The following RANBP2 variants were observed in gnomAD, a reference collection of about 807,000 sequenced individuals.
The protein encoded by RANBP2 is RAN binding protein 2, also known as E3 SUMO-protein ligase RanBP2.
A neutral mutation model predicts 303.6 loss-of-function variants in RANBP2; 57 were observed. The ratio of observed to expected loss-of-function variants is 0.19; its 90% CI spans 0.15 to 0.23. The LOEUF is 0.23. Among genes scored for constraint, RANBP2 ranks in the 10% least tolerant of loss-of-function variants. The pLI, the probability that RANBP2 is intolerant of heterozygous loss-of-function variation, is 1.00. For missense variants in RANBP2, 3,138 were observed against 3,780.8 expected (o/e 0.83, Z 4.46); for synonymous variants, 1,167 against 1,301.5 (o/e 0.90, Z 2.23).
the RANBP2 span, among the ~76,000 whole-genome samples, chr2:108,979,442 C>T: frequency 1.8e-4 from 9 of 49,264 alleles, no homozygotes; most frequent in Middle Eastern, 0.013. Flanking sequence ...CTCTTTCTCT[C>T]TCTCTGTCTC....
the RANBP2 span, among the ~76,000 whole-genome samples, chr2:109,269,454 TC>T: frequency 6.6e-6 from 1 of 152,238 alleles, no homozygotes; most frequent in East Asian, 1.9e-4. Context: ...AGCCCCCCTT[TC>T]TTCTGACTTT....
chr2:109,655,559 G>A, the RANBP2 span, among the ~76,000 whole-genome samples: 4 of 152,180 alleles, frequency 2.6e-5, no homozygotes, highest in Non-Finnish European at 4.4e-5. Context: ...GGCCTCCATC[G>A]AGGGTCAGCA....
chr2:109,008,905 AAAAAAGAAAAG>A, the RANBP2 span, among the ~76,000 whole-genome samples: 1 of 151,532 alleles, frequency 6.6e-6, no homozygotes, highest in African/African-American at 2.4e-5. Flanking sequence ...TCTCAAAAAA[AAAAAAGAAAAG>A]AAAAGAAAAG....
the RANBP2 span, among the ~76,000 whole-genome samples, chr2:109,218,320 T>C: frequency 6.6e-6 from 1 of 152,306 alleles, no homozygotes; most frequent in South Asian, 2.1e-4. Flanking sequence ...GAGGAAGGTG[T>C]GGATTTCTTC....
At chr2:109,736,424 C>G in the RANBP2 span, among the ~76,000 whole-genome samples, 1 of 152,212 alleles carries the variant, frequency 6.6e-6, no homozygotes, top group South Asian at 2.1e-4. Flanking sequence ...CCAGCTCCCT[C>G]TGCTGGAGAC....
the RANBP2 span, among the ~76,000 whole-genome samples, chr2:109,150,155 C>T: frequency 6.6e-6 from 1 of 152,006 alleles, no homozygotes; most frequent in East Asian, 1.9e-4. Context: ...GTTGTGAGAG[C>T]CAGCACCTGG....
At chr2:109,449,616 G>C in the RANBP2 span, 5 of 1,221,100 alleles carry the variant, frequency 4.1e-6, no homozygotes, top group Admixed American at 2.7e-5. Context: ...CCTGCCCCTA[G>C]ATGAACCAGG....
At chr2:109,200,887 G>C in the RANBP2 span, among the ~76,000 whole-genome samples, 1 of 152,336 alleles carries the variant, frequency 6.6e-6, no homozygotes, top group East Asian at 1.9e-4. Flanking sequence ...CCTATGTGCT[G>C]TTTCATGTCA....
the RANBP2 span, among the ~76,000 whole-genome samples, chr2:108,861,295 A>G: frequency 1.3e-5 from 2 of 151,160 alleles, no homozygotes; most frequent in African/African-American, 4.9e-5. Flanking sequence ...CATTTCGTCG[A>G]TCCTTATATA....
the RANBP2 span, among the ~76,000 whole-genome samples, chr2:109,225,665 G>A: frequency 6.6e-6 from 1 of 152,226 alleles, no homozygotes; most frequent in Non-Finnish European, 1.5e-5. Flanking sequence ...TGACCGTCTT[G>A]TTTCCTGTAA....
chr2:108,813,248 C>CAAAAAAAAAAA, the RANBP2 span, among the ~76,000 whole-genome samples: 2 of 63,536 alleles, frequency 3.1e-5, no homozygotes, highest in Non-Finnish European at 5.1e-5. Context: ...GACTCCGTCT[C>CAAAAAAAAAAA]AAAAAAAAAA....
chr2:109,616,376 CCTTTG>C, the RANBP2 span: 1 of 220,916 alleles, frequency 4.5e-6, no homozygotes, highest in Non-Finnish European at 9.5e-6. Flanking sequence ...AATGAGAGTT[CCTTTG>C]CTTTAACCAT....
At chr2:108,826,928 C>T in the RANBP2 span, among the ~76,000 whole-genome samples, 1 of 152,184 alleles carries the variant, frequency 6.6e-6, no homozygotes, top group African/African-American at 2.4e-5. Flanking sequence ...GCTATATTTT[C>T]TCGTTTTCAG....
At chr2:109,221,898 C>G in the RANBP2 span, among the ~76,000 whole-genome samples, 1 of 151,928 alleles carries the variant, frequency 6.6e-6, no homozygotes, top group African/African-American at 2.4e-5. Context: ...AAAGGGATAC[C>G]TGCACCCCTG....
chr2:109,706,706 G>C, the RANBP2 span, among the ~76,000 whole-genome samples: 1 of 152,176 alleles, frequency 6.6e-6, no homozygotes, highest in Non-Finnish European at 1.5e-5. Context: ...ATGATGCTTG[G>C]TGCACAGTAG....
the RANBP2 span, among the ~76,000 whole-genome samples, chr2:109,686,527 C>T: frequency 6.6e-6 from 1 of 152,176 alleles, no homozygotes. Context: ...GTTGGTCAGT[C>T]TGATCTTGAA....
the RANBP2 span, among the ~76,000 whole-genome samples, chr2:108,906,919 G>C: frequency 1.3e-5 from 2 of 152,246 alleles, no homozygotes; most frequent in African/African-American, 4.8e-5. Flanking sequence ...ATCCTATCAG[G>C]ACCAGGCTGG....
At chr2:109,254,332 C>T in the RANBP2 span, among the ~76,000 whole-genome samples, 1 of 152,150 alleles carries the variant, frequency 6.6e-6, no homozygotes, top group African/African-American at 2.4e-5. Flanking sequence ...AATTTTCTAC[C>T]TGTATAATCC....
At chr2:109,155,788 T>A in the RANBP2 span, among the ~76,000 whole-genome samples, 1 of 152,360 alleles carries the variant, frequency 6.6e-6, no homozygotes, top group East Asian at 1.9e-4. Flanking sequence ...CGTGCTGGTG[T>A]GTGTGAATAA....
Sources: gnomAD v4.1 joint callset for allele counts (sites outside exome capture counted in the v4.1 genomes callset) on GRCh38, gnomAD v4.1.1 for gene constraint, MANE v1.5 for transcripts, NCBI Gene and HGNC (gene_info 2026-07-23, HGNC 2026-07-21) for gene names.